COLEC10: variants seen among roughly 807,000 people sequenced by gnomAD.
The protein encoded by COLEC10 is collectin subfamily member 10, also known as collectin-10.
In COLEC10, 22 loss-of-function variants were observed where a neutral mutation model predicts 28.4. That is an observed-to-expected ratio of 0.78 (90% confidence interval 0.55 to 1.11). COLEC10 has a LOEUF of 1.11. Among genes scored for constraint, COLEC10 ranks in the 50% least tolerant of loss-of-function variants. COLEC10 has a pLI of 0.00. For synonymous variants in COLEC10, 125 were observed against 116.1 expected (o/e 1.08, Z -0.49); for missense variants, 361 against 344.1 (o/e 1.05, Z -0.39).
chr8:119,074,846 T>G (rs904860232), intron 1 of COLEC10, among the ~76,000 whole-genome samples: 3 of 152,216 alleles, frequency 2.0e-5, no homozygotes, highest in Non-Finnish European at 2.9e-5. Context: ...CCTAGGGTTG[T>G]CATGGGGATT....
chr8:118,963,260 A>G, the COLEC10 span, among the ~76,000 whole-genome samples: 1 of 152,256 alleles, frequency 6.6e-6, no homozygotes, highest in African/African-American at 2.4e-5. Flanking sequence ...TTTCCAAATT[A>G]GGAAATGAGA....
the COLEC10 span, among the ~76,000 whole-genome samples, chr8:118,958,562 G>A: frequency 6.6e-6 from 1 of 152,130 alleles, no homozygotes; most frequent in South Asian, 2.1e-4. Context: ...TCAAATTCAT[G>A]AACACTATGG....
intron 2 of COLEC10, among the ~76,000 whole-genome samples, chr8:119,044,071 A>T (rs185665628): frequency 3.9e-5 from 6 of 152,364 alleles, no homozygotes; most frequent in African/African-American, 1.4e-4. Context: ...TGTTGGAAGC[A>T]CTGAAGCTAG....
At chr8:119,005,692 C>T (rs1474828420) in intron 1 of COLEC10, among the ~76,000 whole-genome samples, 1 of 151,934 alleles carries the variant, frequency 6.6e-6, no homozygotes, top group Non-Finnish European at 1.5e-5. Context: ...TAAAACAGAC[C>T]TCTGTGATGG....
At chr8:118,975,508 A>T in the COLEC10 span, among the ~76,000 whole-genome samples, 3 of 152,044 alleles carry the variant, frequency 2.0e-5, no homozygotes, top group Non-Finnish European at 2.9e-5. Context: ...GATGAAATTC[A>T]GTTATTGGAA....
At chr8:118,978,939 A>C in the COLEC10 span, among the ~76,000 whole-genome samples, 4 of 152,010 alleles carry the variant, frequency 2.6e-5, no homozygotes, top group Non-Finnish European at 5.9e-5. Flanking sequence ...TTATTTTACA[A>C]ATCTAATTTA....
the COLEC10 span, among the ~76,000 whole-genome samples, chr8:118,968,865 T>C: frequency 6.6e-6 from 1 of 151,932 alleles, no homozygotes; most frequent in South Asian, 2.1e-4. Flanking sequence ...AGTGAGAACA[T>C]GTGGTGTTTG....
chr8:119,047,809 T>G (rs1814611221), intron 2 of COLEC10, among the ~76,000 whole-genome samples: 1 of 152,160 alleles, frequency 6.6e-6, no homozygotes, highest in South Asian at 2.1e-4. Flanking sequence ...AAATCTGATT[T>G]TCAAGATAAA....
the COLEC10 span, among the ~76,000 whole-genome samples, chr8:118,980,280 A>G: frequency 2.0e-5 from 3 of 151,022 alleles, no homozygotes; most frequent in African/African-American, 2.4e-5. Flanking sequence ...GCTCACTGCA[A>G]CCTCCACCTC....
At chr8:118,953,448 G>A in the COLEC10 span, among the ~76,000 whole-genome samples, 1 of 152,128 alleles carries the variant, frequency 6.6e-6, no homozygotes, top group African/African-American at 2.4e-5. Context: ...TGTTTGTCTA[G>A]GATATTATTT....
At chr8:119,075,095 A>G (rs944782239) in intron 1 of COLEC10, among the ~76,000 whole-genome samples, 6 of 152,306 alleles carry the variant, frequency 3.9e-5, no homozygotes, top group African/African-American at 1.4e-4. Flanking sequence ...TCCTTTAAGA[A>G]ACTTTTCCTT....
chr8:119,070,635 A>C (rs1587040133), intron 1 of COLEC10, among the ~76,000 whole-genome samples: 9 of 117,442 alleles, frequency 7.7e-5, no homozygotes, highest in East Asian at 2.4e-4. Flanking sequence ...CTCTTCCCCC[A>C]TCTTGGTGGT....
the COLEC10 span, among the ~76,000 whole-genome samples, chr8:118,963,870 G>C: frequency 1.3e-5 from 2 of 152,136 alleles, no homozygotes; most frequent in Non-Finnish European, 2.9e-5. Flanking sequence ...CCTACTATGT[G>C]TTGTAAGCTT....
chr8:118,968,356 C>T, the COLEC10 span, among the ~76,000 whole-genome samples: 2 of 151,862 alleles, frequency 1.3e-5, no homozygotes, highest in Admixed American at 6.6e-5. Context: ...AAATGTATGG[C>T]ATATATGCTA....
At chr8:118,999,884 A>G (rs1813659565) in intron 1 of COLEC10, among the ~76,000 whole-genome samples, 1 of 141,910 alleles carries the variant, frequency 7.0e-6, no homozygotes, top group African/African-American at 2.8e-5. Context: ...AGTGGAAGCA[A>G]TGAATACAGA....
chr8:119,096,827 A>T (rs1815728076), intron 3 of COLEC10, among the ~76,000 whole-genome samples: 3 of 152,124 alleles, frequency 2.0e-5, no homozygotes, highest in Admixed American at 2.0e-4. Flanking sequence ...CTAAACTATG[A>T]TAGTACTGCA....
At chr8:118,962,274 C>G in the COLEC10 span, among the ~76,000 whole-genome samples, 1 of 152,130 alleles carries the variant, frequency 6.6e-6, no homozygotes, top group Non-Finnish European at 1.5e-5. Flanking sequence ...CCTGTGTATT[C>G]CAGGGAGGAA....
the COLEC10 span, among the ~76,000 whole-genome samples, chr8:118,960,808 AG>A: frequency 6.8e-6 from 1 of 146,196 alleles, no homozygotes; most frequent in African/African-American, 2.6e-5. Context: ...AAAAAAAAAA[AG>A]ATTGTGCTGT....
At chr8:119,057,708 C>T (rs1360468730) in intron 2 of COLEC10, among the ~76,000 whole-genome samples, 1 of 152,076 alleles carries the variant, frequency 6.6e-6, no homozygotes, top group Non-Finnish European at 1.5e-5. Flanking sequence ...TTTCATTACA[C>T]ATATCTATCA....
Sources: allele counts gnomAD v4.1 joint callset (sites outside exome capture counted in the v4.1 genomes callset), GRCh38; gene constraint gnomAD v4.1.1; transcripts MANE v1.5; gene names NCBI Gene and HGNC (gene_info 2026-07-23, HGNC 2026-07-21).